SLC9A9: variants seen among roughly 807,000 people sequenced by gnomAD.
SLC9A9 encodes solute carrier family 9 member A9.
Under a neutral mutation model 77.8 loss-of-function variants are expected in SLC9A9, and 62 were observed. The ratio of observed to expected loss-of-function variants is 0.80; its 90% confidence interval spans 0.65 to 0.98. The LOEUF is 0.98. Among genes scored for constraint, SLC9A9 ranks in the 50% least tolerant of loss-of-function variants. SLC9A9 has a pLI of 0.00. For synonymous variants in SLC9A9, 320 were observed against 283.5 expected, an observed-to-expected ratio of 1.13 and a Z score of -1.29; for missense variants, 775 against 774.9, an observed-to-expected ratio of 1.00 and a Z score of 0.00.
chr3:143,381,798 C>T (rs1306773559), intron 13 of SLC9A9: 4 of 476,042 alleles, frequency 8.4e-6, no homozygotes, highest in African/African-American at 7.9e-5. Context: ...ATTCCAAGAG[C>T]CATCATATAC....
At chr3:143,377,031 T>G (rs2033194505) in intron 13 of SLC9A9, among the ~76,000 whole-genome samples, 1 of 152,180 alleles carries the variant, frequency 6.6e-6, no homozygotes, top group Non-Finnish European at 1.5e-5. Flanking sequence ...GTTTGGGGGA[T>G]GGGTATGTTA....
At chr3:143,362,232 T>C (rs1334334938) in intron 14 of SLC9A9, among the ~76,000 whole-genome samples, 2 of 152,278 alleles carry the variant, frequency 1.3e-5, no homozygotes, top group East Asian at 3.9e-4. Context: ...CATTTGTCCA[T>C]AAAACTGAAG....
At chr3:143,650,068 A>C (rs1232012334) in intron 6 of SLC9A9, among the ~76,000 whole-genome samples, 1 of 152,222 alleles carries the variant, frequency 6.6e-6, no homozygotes, top group African/African-American at 2.4e-5. Context: ...CTGAAGGAAG[A>C]GTTGAAAGAC....
intron 5 of SLC9A9, 128 bp from the exon 6 acceptor site, chr3:143,652,488 C>T: frequency 1.3e-6 from 1 of 741,002 alleles, no homozygotes; most frequent in Admixed American, 2.1e-5. Flanking sequence ...ATACTAACAC[C>T]AGACCTTTAT....
At chr3:143,785,860 T>C (rs1323475784) in intron 4 of SLC9A9, among the ~76,000 whole-genome samples, 1,842 of 141,636 alleles carry the variant, frequency 0.013, 70 homozygotes, top group African/African-American at 0.029. Context: ...TTTTTTTTTT[T>C]TTTTTTTTTT....
chr3:143,333,576 T>G (rs2031838464), intron 14 of SLC9A9, among the ~76,000 whole-genome samples: 1 of 152,182 alleles, frequency 6.6e-6, no homozygotes, highest in South Asian at 2.1e-4. Context: ...ACCTGGGGGA[T>G]AGACCACGAA....
chr3:143,581,925 C>T (rs1054815722), intron 6 of SLC9A9, among the ~76,000 whole-genome samples: 2 of 152,192 alleles, frequency 1.3e-5, no homozygotes, highest in African/African-American at 2.4e-5. Context: ...AGGCTGGACT[C>T]GGTCTTGCTT....
chr3:143,363,364 G>T, intron 14 of SLC9A9, 120 bp downstream of exon 14: 1 of 899,172 alleles, frequency 1.1e-6, no homozygotes, highest in Non-Finnish European at 1.8e-6. Flanking sequence ...GTTTGGCTGT[G>T]AATTCACTTT....
At chr3:143,621,465 G>A (rs1389426671) in intron 6 of SLC9A9, among the ~76,000 whole-genome samples, 15 of 152,270 alleles carry the variant, frequency 9.9e-5, no homozygotes, top group East Asian at 3.9e-4. Context: ...ACCAATATCC[G>A]CTGTTCTGCA....
rs1192660664 is a variant in SLC9A9 at position 143,501,234 on chromosome 3, A to T, written c.1090-5786T>A. 2.7e-5 allele frequency among the ~76,000 whole-genome samples: 4 copies of T among 150,846 alleles called. No homozygotes were observed. The East Asian group carries it at 5.8e-4, about 22-fold the overall frequency. The stretch of plus-strand genomic sequence containing the variant: ...TCATGTAACAGCCTATATTTTAGGG[A>T]GTTCTATATGAACTAGTATAAAAAG... On this transcript the variant is annotated intron_variant, in intron 9 of 15. Coordinates refer to ENST00000316549, the MANE Select transcript of SLC9A9 (RefSeq NM_173653.4).
At chr3:143,387,166 T>C (rs2033446835) in intron 12 of SLC9A9, among the ~76,000 whole-genome samples, 1 of 152,154 alleles carries the variant, frequency 6.6e-6, no homozygotes, top group Admixed American at 6.5e-5. Flanking sequence ...TATAATTTAT[T>C]GGTAGACTAG....
intron 12 of SLC9A9, among the ~76,000 whole-genome samples, chr3:143,400,514 T>C (rs2033830560): frequency 6.6e-6 from 1 of 152,010 alleles, no homozygotes; most frequent in South Asian, 2.1e-4. Flanking sequence ...GAATGATACA[T>C]TGAACATTGG....
chr3:143,517,999 T>C (rs4025520), intron 9 of SLC9A9: 3 of 1,423,268 alleles, frequency 2.1e-6, no homozygotes, highest in Non-Finnish European at 2.0e-6. Context: ...GATCACTTTC[T>C]TCACTTGACG....
intron 4 of SLC9A9, among the ~76,000 whole-genome samples, chr3:143,771,643 A>C (rs1371070804): frequency 3.3e-5 from 5 of 152,168 alleles, no homozygotes; most frequent in Non-Finnish European, 7.3e-5. Flanking sequence ...TGCAGGAAAC[A>C]CCTTAATTAT....
chr3:143,317,305 A>C (rs1178516332), intron 14 of SLC9A9, among the ~76,000 whole-genome samples: 2 of 152,048 alleles, frequency 1.3e-5, no homozygotes, highest in East Asian at 3.9e-4. Flanking sequence ...CCCTCCTCAG[A>C]GACAAGCTCC....
chr3:143,352,632 A>C (rs902250710), intron 14 of SLC9A9, among the ~76,000 whole-genome samples: 1 of 152,216 alleles, frequency 6.6e-6, no homozygotes, highest in Non-Finnish European at 1.5e-5. Context: ...TAACAATTAC[A>C]CCACTGGATA....
chr3:143,323,993 T>C (rs528281226), intron 14 of SLC9A9, among the ~76,000 whole-genome samples: 2 of 152,260 alleles, frequency 1.3e-5, no homozygotes, highest in Non-Finnish European at 2.9e-5. Context: ...TTTGTCCCAA[T>C]GTATACATTT....
intron 6 of SLC9A9, among the ~76,000 whole-genome samples, chr3:143,609,512 C>A (rs1468646984): frequency 1.3e-5 from 2 of 152,006 alleles, no homozygotes; most frequent in African/African-American, 4.8e-5. Context: ...CAAAGATATA[C>A]CTTCTCAAGG....
At chr3:143,277,455 C>A (rs796987965) in intron 14 of SLC9A9, among the ~76,000 whole-genome samples, 10 of 152,298 alleles carry the variant, frequency 6.6e-5, no homozygotes, top group African/African-American at 2.2e-4. Context: ...TCTTGAAAGG[C>A]TCTGAGTTGG....
Sources: allele counts gnomAD v4.1 joint callset (sites outside exome capture counted in the v4.1 genomes callset), GRCh38; gene constraint gnomAD v4.1.1; transcripts MANE v1.5; gene names NCBI Gene and HGNC (gene_info 2026-07-23, HGNC 2026-07-21).